TJAP1: variants seen among roughly 807,000 people sequenced by gnomAD.
TJAP1 encodes tight junction-associated protein 1.
A neutral mutation model predicts 42.0 loss-of-function variants in TJAP1; 27 were observed. That is an observed-to-expected ratio of 0.64 (90% CI 0.47 to 0.89). TJAP1 has a LOEUF of 0.89. Ranked by LOEUF, TJAP1 falls within the 40% of genes least tolerant of loss-of-function variation. The pLI, the probability that TJAP1 is intolerant of heterozygous loss-of-function variation, is 0.00. For missense variants in TJAP1, 712 were observed against 726.9 expected (o/e 0.98, Z 0.24); for synonymous variants, 257 against 288.4 (o/e 0.89, Z 1.10).
In TJAP1 at chr6:43,505,460, G is replaced by C; in HGVS notation, c.1279G>C (p.Ala427Pro). The C allele has an allele frequency of 6.2e-7, 1 of 1,613,488 alleles. No individual in the cohort carries two copies. Among genetic ancestry groups the C allele is most frequent in the Non-Finnish European group, 8.5e-7 (1 of 1,180,024 alleles). The change falls in exon 11 of 11, where the codon GCT (alanine) becomes CCT (proline). Residue 427 changes from alanine (A) to proline (P), a missense_variant. Physicochemically the swap from Ala to Pro is conservative, Grantham distance 27. Around this residue, in one of 3 missense-constraint regions of TJAP1, gnomAD observed 549 missense variants for 528.2 expected, o/e 1.04. Coordinates refer to ENST00000372449, the Ensembl canonical transcript of TJAP1. The surrounding 1 kb of genome is among the most constrained non-coding windows in gnomAD (Gnocchi z 5.5). Reference sequence around the variant, plus strand: ...TGTGGACCGTACTCCACCACCTGCTGCTGTGGCCCAGCGCACAGCCTTTGG... The same window carrying C: ...TGTGGACCGTACTCCACCACCTGCTCCTGTGGCCCAGCGCACAGCCTTTGG...
chr6:43,492,864 C>A lies in TJAP1; in HGVS notation c.-121-5017C>A, dbSNP rs1212725311. ...CTTGTGTGGCGGGAGTGTAGCTGAC[C>A]CCCACTGGGGCACAGCTTCCCACAG... On this transcript the variant is annotated intron_variant, in intron 2 of 10. Coordinates refer to ENST00000372449, the Ensembl canonical transcript of TJAP1. The surrounding 1 kb of genome is among the most constrained non-coding windows in gnomAD (Gnocchi z 4.2). 1.3e-5 allele frequency among the ~76,000 whole-genome samples: 2 copies of A among 152,118 alleles called. No individual in the cohort carries two copies. The highest frequency in any genetic ancestry group is 4.8e-5 in the African/African-American group (2 of 41,396).
chr6:43,498,751 A>C (rs1789826275), intron 3 of TJAP1, among the ~76,000 whole-genome samples: 1 of 151,632 alleles, frequency 6.6e-6, no homozygotes. Context: ...TGCCTTTCCC[A>C]CCCATCTGTT....
At chr6:43,485,821 T>C (rs899233217) in intron 2 of TJAP1, among the ~76,000 whole-genome samples, 3 of 152,230 alleles carry the variant, frequency 2.0e-5, no homozygotes, top group African/African-American at 7.2e-5. Flanking sequence ...CAAAACCTTT[T>C]GCACCCTCAG....
chr6:43,504,707 A>C, intron 10 of TJAP1, 54 bp from the exon 11 acceptor site: 1 of 1,577,428 alleles, frequency 6.3e-7, no homozygotes, highest in Non-Finnish European at 8.6e-7. Flanking sequence ...CCATGAGTCA[A>C]GTTATCTTTG....
intron 5 of TJAP1, 199 bp from the exon 6 acceptor site, chr6:43,501,327 C>A: frequency 1.7e-6 from 1 of 584,190 alleles, no homozygotes; most frequent in Non-Finnish European, 3.0e-6. Context: ...CCCTGACCCT[C>A]CAACCCAGGC....
chr6:43,480,516 A>G (rs976296869), intron 2 of TJAP1, among the ~76,000 whole-genome samples: 2 of 151,908 alleles, frequency 1.3e-5, no homozygotes, highest in African/African-American at 4.8e-5. Flanking sequence ...AACTAATTTA[A>G]TTTTTGACTT....
chr6:43,491,144 G>A lies in TJAP1; in HGVS notation c.-121-6737G>A, dbSNP rs1343729077. Among the ~76,000 whole-genome samples the A allele has an allele frequency of 1.3e-5, 2 of 152,210 alleles. No individual in the cohort carries two copies. Among genetic ancestry groups the A allele is most frequent in the South Asian group, 2.1e-4 (1 of 4,816 alleles). On this transcript the variant is annotated intron_variant, in intron 2 of 10. Coordinates refer to ENST00000372449, the Ensembl canonical transcript of TJAP1. This position sits in a 1 kb window ranked among gnomAD's most constrained non-coding sequence, Gnocchi z 4.6. ...GGCAGCAGCCTACCAGCACTGGGTGGGAGCTTGTAAATGGGAGAGGGTGTG... is the reference window on the plus strand; with the variant it reads ...GGCAGCAGCCTACCAGCACTGGGTGAGAGCTTGTAAATGGGAGAGGGTGTG...
Position 43,491,910 on chromosome 6 carries a change from TTC to T in TJAP1, c.-121-5969_-121-5968del, listed in dbSNP as rs1562254413. Reference sequence around the variant, plus strand: ...ATGGGGAGTTAACAAGCTGGAGGCTTTCTTGACTTGGCTCTGACCAGGAAAGC... The same window carrying T: ...ATGGGGAGTTAACAAGCTGGAGGCTTTTGACTTGGCTCTGACCAGGAAAGC... On this transcript the variant is annotated intron_variant, in intron 2 of 10. Coordinates refer to ENST00000372449, the Ensembl canonical transcript of TJAP1. This position sits in a 1 kb window ranked among gnomAD's most constrained non-coding sequence, Gnocchi z 4.6. 1.3e-5 allele frequency among the ~76,000 whole-genome samples: 2 copies of T among 152,180 alleles called. No homozygotes were observed. Among genetic ancestry groups the T allele is most frequent in the Non-Finnish European group, 2.9e-5 (2 of 68,038 alleles).
At position 43,497,992 on chromosome 6, in the gene TJAP1, A is replaced by C. The variant is rs1789598393; in HGVS notation, c.-25+15A>C. 6.6e-6 allele frequency: 1 copy of C among 152,094 alleles called. No homozygotes were observed. The highest frequency in any genetic ancestry group is 2.1e-4 in the South Asian group (1 of 4,820). 9.4% of individuals were successfully genotyped at this position (152,094 alleles called of 1,614,324 possible). ...ACAAACAGACGGTATGTCCCTGATGAGGCCTGTGCCCTCAGCCTGGCTCTC... is the reference window on the plus strand; with the variant it reads ...ACAAACAGACGGTATGTCCCTGATGCGGCCTGTGCCCTCAGCCTGGCTCTC... On this transcript the variant is annotated intron_variant, in intron 3 of 10. Transcript: ENST00000372449.
rs1343269197 is a variant in TJAP1, at chr6:43,481,491, C to CA, written c.-122+3259_-122+3260insA. On this transcript the variant is annotated intron_variant, in intron 2 of 10. Coordinates refer to ENST00000372449, the Ensembl canonical transcript of TJAP1. ...AAAATAGCAAGACATCACCCCCCCC[C>CA]CAAAAAAAAACTTAACAGTCAATGT... Among the ~76,000 whole-genome samples, 287 of 142,714 alleles carry CA rather than the reference C, an allele frequency of 2.0e-3. 2 individuals carry two copies. The highest frequency in any genetic ancestry group is 6.9e-3 in the African/African-American group (258 of 37,364). 93.6% of individuals were successfully genotyped at this position (142,714 alleles called of 152,430 possible).
rs1356193291 is a variant in TJAP1, at chr6:43,503,524, T to C, written c.495+16T>C. On this transcript the variant is annotated intron_variant, in intron 9 of 10. Coordinates refer to ENST00000372449, the Ensembl canonical transcript of TJAP1. ...AGAGCTCAATGTATGTGCGCTTCACTACTCGGGCCTTCCTCACCTGGGGCT... is the reference window on the plus strand; with the variant it reads ...AGAGCTCAATGTATGTGCGCTTCACCACTCGGGCCTTCCTCACCTGGGGCT... 2 of 1,612,084 alleles carry C rather than the reference T, an allele frequency of 1.2e-6. No individual in the cohort carries two copies. Among genetic ancestry groups the C allele is most frequent in the Non-Finnish European group, 1.7e-6 (2 of 1,178,090 alleles).
intron 6 of TJAP1, among the ~76,000 whole-genome samples, 184 bp from the exon 7 acceptor site, chr6:43,502,099 C>T (rs1034845495): frequency 4.6e-5 from 7 of 151,184 alleles, no homozygotes; most frequent in African/African-American, 1.7e-4. Context: ...CTCTCTCTCT[C>T]TCTCTCTCTC....
exon 11 of TJAP1, chr6:43,506,125 C>G: frequency 8.8e-6 from 3 of 342,660 alleles, no homozygotes; most frequent in Non-Finnish European, 1.6e-5. Flanking sequence ...GACCTTTCCT[C>G]CAATCAGCCC....
intron 2 of TJAP1, chr6:43,497,291 G>A (rs1324544617): frequency 1.3e-5 from 2 of 152,270 alleles, no homozygotes; most frequent in South Asian, 2.1e-4. Context: ...TGGGGAAGGA[G>A]GGTGGACAGA....
At chr6:43,486,341 A>G (rs1786507040) in intron 2 of TJAP1, among the ~76,000 whole-genome samples, 1 of 143,076 alleles carries the variant, frequency 7.0e-6, no homozygotes, top group Admixed American at 7.0e-5. Flanking sequence ...ACGTACCAGT[A>G]GCTTTCCAGT....
chr6:43,504,803 A>G, exon 11 of TJAP1: 1 of 1,614,174 alleles, frequency 6.2e-7, no homozygotes, highest in South Asian at 1.1e-5. Context: ...ACATTTGCAC[A>G]GTGGTCAAGA....
In TJAP1 at chr6:43,500,782, T is replaced by G. The variant is rs764193209; in HGVS notation, c.128+10T>G. 1.9e-6 allele frequency: 3 copies of G among 1,614,162 alleles called. No homozygotes were observed. The East Asian group carries it at 6.7e-5, about 36-fold the overall frequency. On this transcript the variant is annotated intron_variant, in intron 5 of 10. Coordinates refer to ENST00000372449, the Ensembl canonical transcript of TJAP1. ...ATGCAGAAAGGATGAAGTGAGTATC[T>G]GCTACCTGAGATACTGCCCTGCCTC... is the stretch of plus-strand genomic sequence containing the variant.
chr6:43,489,434 T>C (rs1317983311), intron 2 of TJAP1: 2 of 152,308 alleles, frequency 1.3e-5, no homozygotes, highest in Non-Finnish European at 2.9e-5. Flanking sequence ...TACTGTGCTT[T>C]CCGACGCAGC....
intron 2 of TJAP1, among the ~76,000 whole-genome samples, chr6:43,481,971 TG>T (rs1785424177): frequency 6.6e-6 from 1 of 152,228 alleles, no homozygotes; most frequent in African/African-American, 2.4e-5. Flanking sequence ...GGGCTTTCCC[TG>T]GGAACTCTGC....
Sources: gnomAD v4.1 joint callset for allele counts (sites outside exome capture counted in the v4.1 genomes callset) on GRCh38, gnomAD v4.1.1 for gene constraint, gnomAD v4.1.1 regional missense constraint, Gnocchi (gnomAD v3.1) non-coding constraint, MANE v1.5 for transcripts, NCBI Gene and HGNC (gene_info 2026-07-23, HGNC 2026-07-21) for gene names.